The following NBPF9 variants were observed in gnomAD, a reference collection of about 807,000 sequenced individuals.
The protein encoded by NBPF9 is NBPF family member NBPF9.
In NBPF9, 91 loss-of-function variants were observed where a neutral mutation model predicts 97.8. The observed-to-expected ratio is 0.93, with a 90% confidence interval of 0.79 to 1.11. The LOEUF (loss-of-function observed/expected upper bound fraction) is 1.11. Ranked by LOEUF, NBPF9 falls within the 50% of genes least tolerant of loss-of-function variation. NBPF9 has a pLI of 0.00. For synonymous variants in NBPF9, 334 were observed against 359.5 expected, an observed-to-expected ratio of 0.93 and a Z score of 0.80; for missense variants, 992 against 939.5, an observed-to-expected ratio of 1.06 and a Z score of -0.73.
intron 19 of NBPF9, among the ~76,000 whole-genome samples, 191 bp downstream of exon 19, chr1:149,064,240 A>G (rs1271203183): frequency 7.1e-6 from 1 of 140,080 alleles, no homozygotes; most frequent in African/African-American, 2.9e-5. Context: ...CTAGGTTAGT[A>G]AATGATAAGG....
At chr1:149,069,846 C>T (rs1295454564) in intron 16 of NBPF9, among the ~76,000 whole-genome samples, 1 of 122,788 alleles carries the variant, frequency 8.1e-6, no homozygotes, top group African/African-American at 3.2e-5. Flanking sequence ...GCCAAAATCT[C>T]CCTCTACGTG....
chr1:149,065,883 T>C, intron 17 of NBPF9, 194 bp from the exon 18 acceptor site: 1 of 732,364 alleles, frequency 1.4e-6, no homozygotes, highest in Non-Finnish European at 2.2e-6. Context: ...AGAGCAAAAA[T>C]GGGCAGCGTG....
chr1:149,064,823 C>G, intron 18 of NBPF9: 2 of 556,088 alleles, frequency 3.6e-6, no homozygotes, highest in Non-Finnish European at 6.4e-6. Flanking sequence ...TAAGCTTTCT[C>G]TCATCAAATA....
intron 5 of NBPF9, among the ~76,000 whole-genome samples, chr1:149,086,886 G>A (rs1553658661): frequency 6.6e-6 from 1 of 152,144 alleles, no homozygotes; most frequent in African/African-American, 2.4e-5. Context: ...TGCAGACACA[G>A]TGTGTAAATT....
At chr1:149,071,322 G>A (rs587608736) in intron 15 of NBPF9, among the ~76,000 whole-genome samples, 183 bp from the exon 16 acceptor site, 1 of 151,796 alleles carries the variant, frequency 6.6e-6, no homozygotes, top group East Asian at 1.9e-4. Context: ...GCTGCCATGG[G>A]AACCAGAGAG....
chr1:149,081,951 C>T lies in NBPF9; in HGVS notation c.175+14G>A. The T allele has an allele frequency of 1.3e-6, 2 of 1,537,366 alleles. No individual in the cohort carries two copies. Among genetic ancestry groups the T allele is most frequent in the Non-Finnish European group, 1.8e-6 (2 of 1,122,758 alleles). On this transcript the variant is annotated intron_variant, in intron 7 of 29. Transcript: ENST00000584027. ...CATTCATCACTTTCATGACGGTGAG[C>T]CTATAGATCTTACTGTATTTCTTCT...
Position 149,067,348 on chromosome 1 carries a change from A to C in NBPF9, c.1638-1659T>G, listed in dbSNP as rs1230472286. Reference sequence around the variant, plus strand: ...TTTAATACTTTAAGTCTTAGGGTACATGTGCACAACGTGCAGGTTAGTTAC... The same window carrying C: ...TTTAATACTTTAAGTCTTAGGGTACCTGTGCACAACGTGCAGGTTAGTTAC... On this transcript the variant is annotated intron_variant, in intron 17 of 29. Coordinates refer to ENST00000584027, the Ensembl canonical transcript of NBPF9. Among the ~76,000 whole-genome samples, 3 of 126,698 alleles carry C rather than the reference A, an allele frequency of 2.4e-5. 1 individual carries two copies. Among genetic ancestry groups the C allele is most frequent in the Non-Finnish European group, 5.0e-5 (3 of 59,504 alleles). The allele number at this position is 126,698 out of a possible 152,430, so 83.1% of individuals were successfully genotyped here.
exon 16 of NBPF9, chr1:149,071,055 A>G (rs1553652830): frequency 4.3e-6 from 7 of 1,611,338 alleles, no homozygotes; most frequent in Non-Finnish European, 5.9e-6. Context: ...TGGAGTCATA[A>G]GGGCCATGGC....
In NBPF9 at chr1:149,059,346, C is replaced by T. The variant is rs1388834445; in HGVS notation, c.2586-249G>A. ...GACCTAGTGAATTGGCCGGGTGACACACTGATGAAGGAGTAAAAGGACACT... is the reference window on the plus strand; with the variant it reads ...GACCTAGTGAATTGGCCGGGTGACATACTGATGAAGGAGTAAAAGGACACT... On this transcript the variant is annotated intron_variant, in intron 25 of 29. Transcript: ENST00000584027. 26 of 460,326 alleles carry T rather than the reference C, an allele frequency of 5.6e-5. 6 individuals carry two copies. Among genetic ancestry groups the T allele is most frequent in the Non-Finnish European group, 6.8e-5 (17 of 248,996 alleles). The allele number at this position is 460,326 out of a possible 1,614,324, so 28.5% of individuals were successfully genotyped here. A position where few individuals can be genotyped will look rare whatever the true frequency, so the allele number is the denominator to read the frequency against.
At chr1:149,080,368 G>A (rs1213891319) in intron 7 of NBPF9, among the ~76,000 whole-genome samples, 2 of 150,240 alleles carry the variant, frequency 1.3e-5, no homozygotes, top group Non-Finnish European at 2.9e-5. Context: ...AACCTCAAGG[G>A]CGCATCAAGG....
chr1:149,084,598 G>T (rs1262368404), intron 5 of NBPF9, among the ~76,000 whole-genome samples: 124 of 150,816 alleles, frequency 8.2e-4, no homozygotes, highest in African/African-American at 3.0e-3. Context: ...GCAACGCAAC[G>T]GCCAGGTGGA....
chr1:149,071,071 G>A, exon 16 of NBPF9: 6 of 1,610,738 alleles, frequency 3.7e-6, no homozygotes, highest in African/African-American at 1.3e-5. Flanking sequence ...ATGGCTATTT[G>A]AATAAGTGAT....
At chr1:149,071,045 T>A in exon 16 of NBPF9, 1 of 1,611,574 alleles carries the variant, frequency 6.2e-7, no homozygotes, top group Non-Finnish European at 8.5e-7. Context: ...TGTGGCTGGT[T>A]GGAGTCATAA....
intron 17 of NBPF9, among the ~76,000 whole-genome samples, chr1:149,069,068 A>C (rs1366516506): frequency 1.3e-5 from 2 of 152,214 alleles, no homozygotes; most frequent in African/African-American, 4.8e-5. Context: ...CGTTCTTTGA[A>C]ACCAATGAGA....
Position 149,061,377 on chromosome 1 carries a change from T to A in NBPF9, c.2258A>T (p.Lys753Ile), listed in dbSNP as rs1422193836. The change falls in exon 23 of 30, where the codon AAA becomes ATA. Residue 753 changes from lysine to isoleucine, a missense_variant. Physicochemically the swap from Lys to Ile is moderately radical, Grantham distance 102. Coordinates refer to ENST00000584027, the Ensembl canonical transcript of NBPF9. ...GTCTTCTTCCTCTTCTTGGTCCTTT[T>A]TAATTCCTGCAATACATTCAGACAG... 2.7e-4 allele frequency: 104 copies of A among 389,258 alleles called. 5 individuals carry two copies. In the African/African-American group the frequency reaches 3.0e-3, roughly 11 times the overall value. 24.1% of individuals were successfully genotyped at this position (389,258 alleles called of 1,614,324 possible).
In NBPF9 at chr1:149,056,182, C is replaced by A. The variant is rs587686556; in HGVS notation, c.3093-283G>T. 7.0e-3 allele frequency among the ~76,000 whole-genome samples: 1,034 copies of A among 147,176 alleles called. 4 individuals carry two copies. Among genetic ancestry groups the A allele is most frequent in the Non-Finnish European group, 0.01 (672 of 66,148 alleles). On this transcript the variant is annotated intron_variant, in intron 29 of 29. Coordinates refer to ENST00000584027, the Ensembl canonical transcript of NBPF9. ...ATACTGGTAAGGGAGTAAAAGGACACTCTGAGTTAGTGCCCTCATGACACA... is the reference window on the plus strand; with the variant it reads ...ATACTGGTAAGGGAGTAAAAGGACAATCTGAGTTAGTGCCCTCATGACACA...
chr1:149,055,881 C>A (rs782695219), exon 30 of NBPF9: 1 of 1,611,126 alleles, frequency 6.2e-7, no homozygotes, highest in Non-Finnish European at 8.5e-7. Flanking sequence ...CTTCCACTTC[C>A]ATCAGCACGC....
At chr1:149,099,365 A>AC (rs1273885361) in intron 3 of NBPF9, among the ~76,000 whole-genome samples, 1 of 152,094 alleles carries the variant, frequency 6.6e-6, no homozygotes, top group Non-Finnish European at 1.5e-5. Context: ...GTTGACTGTG[A>AC]CTCTGCTGTA....
chr1:149,072,513 G>A (rs1463009441), intron 14 of NBPF9, among the ~76,000 whole-genome samples: 15 of 152,086 alleles, frequency 9.9e-5, no homozygotes, highest in South Asian at 6.2e-4. Context: ...TCCATCAAGG[G>A]AGGAGGGACA....
Sources: gnomAD v4.1 joint callset for allele counts (sites outside exome capture counted in the v4.1 genomes callset) on GRCh38, gnomAD v4.1.1 for gene constraint, MANE v1.5 for transcripts, NCBI Gene and HGNC (gene_info 2026-07-23, HGNC 2026-07-21) for gene names.